STARD13: variants seen among roughly 807,000 people sequenced by gnomAD.
STARD13 encodes the protein StAR related lipid transfer domain containing 13.
Under a neutral mutation model 106.4 loss-of-function variants are expected in STARD13, and 62 were observed. The ratio of observed to expected loss-of-function variants is 0.58; its 90% confidence interval spans 0.48 to 0.72. STARD13 has a LOEUF of 0.72. Ranked by LOEUF, STARD13 falls within the 30% of genes least tolerant of loss-of-function variation. The pLI is 0.00. For missense variants in STARD13, 1,387 were observed against 1,424.0 expected, an observed-to-expected ratio of 0.97 and a Z score of 0.42; for synonymous variants, 565 against 553.0, an observed-to-expected ratio of 1.02 and a Z score of -0.31.
chr13:33,280,091 G>A (rs3742324), intron 1 of STARD13: 42,052 of 152,052 alleles, frequency 0.28, 6,352 homozygotes, highest in East Asian at 0.7. Context: ...GAAAGTAGTC[G>A]GGCAAGAAAG....
At chr13:33,306,296 C>G (rs1227353573) in intron 1 of STARD13, among the ~76,000 whole-genome samples, 1 of 152,122 alleles carries the variant, frequency 6.6e-6, no homozygotes, top group Admixed American at 6.5e-5. Context: ...AATACTGAAC[C>G]CCTTCCTTAT....
At chr13:33,609,105 A>AAAAAAAAAAAAAAGAAAG in the STARD13 span, among the ~76,000 whole-genome samples, 4 of 133,166 alleles carry the variant, frequency 3.0e-5, no homozygotes, top group African/African-American at 1.3e-4. Context: ...AAAAAAAAAA[A>AAAAAAAAAAAAAAGAAAG]AAATATTGAT....
chr13:33,466,542 G>A, the STARD13 span, among the ~76,000 whole-genome samples: 1 of 152,026 alleles, frequency 6.6e-6, no homozygotes, highest in Admixed American at 6.5e-5. Flanking sequence ...TTAATGCTAA[G>A]CTCCTAGACA....
At chr13:33,141,795 G>A (rs1879862918) in intron 4 of STARD13, among the ~76,000 whole-genome samples, 1 of 152,116 alleles carries the variant, frequency 6.6e-6, no homozygotes, top group South Asian at 2.1e-4. Flanking sequence ...AAGCATTTGA[G>A]TCTAATAAGG....
chr13:33,269,230 A>G (rs7337691), intron 1 of STARD13, among the ~76,000 whole-genome samples: 4,043 of 152,346 alleles, frequency 0.027, 92 homozygotes, highest in Non-Finnish European at 0.041. Context: ...CATCATCAGC[A>G]TACTCAAATA....
chr13:33,508,722 T>C, the STARD13 span, among the ~76,000 whole-genome samples: 2 of 152,202 alleles, frequency 1.3e-5, no homozygotes, highest in Non-Finnish European at 2.9e-5. Context: ...AGATGCTTAA[T>C]GTGTATCAGA....
rs1890224930 is a variant in STARD13, at chr13:33,254,177, G to A, written c.169+31293C>T. On this transcript the variant is annotated intron_variant, in intron 1 of 13. Transcript: ENST00000336934. ...AGGACACTAGGCTGATGGGGTAGTG[G>A]GTGGCAAAGCGGACTGAGGTCAGAG... is the stretch of plus-strand genomic sequence containing the variant. Among the ~76,000 whole-genome samples, 5 of 152,306 alleles carry A rather than the reference G, an allele frequency of 3.3e-5. No individual in the cohort carries two copies. In the South Asian group the frequency reaches 1.0e-3, roughly 32 times the overall value.
chr13:33,250,354 G>T (rs907917584), intron 1 of STARD13, among the ~76,000 whole-genome samples: 15 of 152,330 alleles, frequency 9.8e-5, no homozygotes, highest in Admixed American at 7.8e-4. Context: ...AGAATTAAGT[G>T]TGTGTCTCTC....
At chr13:33,614,425 C>T in the STARD13 span, among the ~76,000 whole-genome samples, 1 of 151,988 alleles carries the variant, frequency 6.6e-6, no homozygotes, top group Admixed American at 6.6e-5. Flanking sequence ...CAATGTTGAC[C>T]CTACTTGCAT....
Position 33,158,191 on chromosome 13 carries a change from AAGAGAG to A in STARD13, c.323+7140_323+7145del, listed in dbSNP as rs371245565. On this transcript the variant is annotated intron_variant, in intron 3 of 13. Coordinates refer to ENST00000336934, the MANE Select transcript of STARD13 (RefSeq NM_178006.4). ...GGGCCTAAAATGAGAGCTAGAGAGA[AAGAGAG>A]AGAGAGAGAGAGAGCAAGAGAAAGC... 6.9e-3 allele frequency among the ~76,000 whole-genome samples: 1,030 copies of A among 148,628 alleles called. 13 individuals carry two copies. Among genetic ancestry groups the A allele is most frequent in the African/African-American group, 0.024 (979 of 40,780 alleles).
chr13:33,272,109 G>T (rs952295708), intron 1 of STARD13, among the ~76,000 whole-genome samples: 1 of 152,164 alleles, frequency 6.6e-6, no homozygotes. Flanking sequence ...AGTAATATAG[G>T]TAGTGCTGAA....
intron 3 of STARD13, among the ~76,000 whole-genome samples, chr13:33,154,134 C>A (rs188754689): frequency 6.6e-6 from 1 of 152,324 alleles, no homozygotes; most frequent in Non-Finnish European, 1.5e-5. Flanking sequence ...GGCCTTTCAA[C>A]AATCACAGGC....
chr13:33,111,814 T>A lies in STARD13; in HGVS notation c.2571A>T (p.Leu857=). 4 of 1,614,176 alleles carry A rather than the reference T, an allele frequency of 2.5e-6. No homozygotes were observed. Among genetic ancestry groups the A allele is most frequent in the Non-Finnish European group, 3.4e-6 (4 of 1,179,990 alleles). Residue 857 remains leucine, a synonymous_variant, in exon 10 of 14, where the codon CTA becomes CTT. Coordinates refer to ENST00000336934, the MANE Select transcript of STARD13 (RefSeq NM_178006.4). ...LNENLAAAQG[L]AHMIMECDRL... ...TGTCGCATTCCATGATCATGTGCGC[T>A]AGCCCCTGAGCTGCTGCCAGATTCT...
intron 1 of STARD13, among the ~76,000 whole-genome samples, chr13:33,308,515 T>G (rs1893001611): frequency 8.5e-6 from 1 of 117,242 alleles, no homozygotes; most frequent in South Asian, 3.2e-4. Context: ...TTTTTCTTTT[T>G]CTTTCTTTTT....
At chr13:33,500,902 C>A in the STARD13 span, among the ~76,000 whole-genome samples, 1 of 151,584 alleles carries the variant, frequency 6.6e-6, no homozygotes, top group Non-Finnish European at 1.5e-5. Flanking sequence ...AGATAACCAA[C>A]TTGTATTAAG....
At chr13:33,350,248 C>G (rs1251437049) in intron 1 of STARD13, 1 of 1,504,942 alleles carries the variant, frequency 6.6e-7, no homozygotes, top group Non-Finnish European at 8.8e-7. Context: ...GGGCCGGCGC[C>G]TCCCCCGCCC....
At chr13:33,460,043 T>G in the STARD13 span, among the ~76,000 whole-genome samples, 26 of 152,228 alleles carry the variant, frequency 1.7e-4, no homozygotes, top group Non-Finnish European at 3.5e-4. Flanking sequence ...TCAAATTTCT[T>G]ACACTCGGAG....
intron 1 of STARD13, among the ~76,000 whole-genome samples, chr13:33,283,135 A>AGTG (rs1891884735): frequency 1.3e-5 from 2 of 152,210 alleles, no homozygotes; most frequent in Admixed American, 1.3e-4. Context: ...TGTTTCCACT[A>AGTG]GAGAAATATA....
At chr13:33,364,181 C>T in the STARD13 span, among the ~76,000 whole-genome samples, 1 of 152,206 alleles carries the variant, frequency 6.6e-6, no homozygotes, top group Admixed American at 6.5e-5. Context: ...AACCCCTTCC[C>T]TCAGCCAGGC....
Sources: allele counts gnomAD v4.1 joint callset (sites outside exome capture counted in the v4.1 genomes callset), GRCh38; gene constraint gnomAD v4.1.1; transcripts MANE v1.5; gene names NCBI Gene and HGNC (gene_info 2026-07-23, HGNC 2026-07-21).